The following ABCA5 variants were observed in gnomAD, a reference collection of about 807,000 sequenced individuals.
ABCA5 encodes ATP binding cassette subfamily A member 5.
In ABCA5, 163 loss-of-function variants were observed where a neutral mutation model predicts 206.0. That is an observed-to-expected ratio of 0.79 (90% CI 0.70 to 0.90). ABCA5 has a LOEUF of 0.90. Among genes scored for constraint, ABCA5 ranks in the 40% least tolerant of loss-of-function variants. ABCA5 has a pLI of 0.00. For synonymous variants in ABCA5, 609 were observed against 613.8 expected, an observed-to-expected ratio of 0.99 and a Z score of 0.11; for missense variants, 1,859 against 1,912.9, an observed-to-expected ratio of 0.97 and a Z score of 0.53.
chr17:69,252,836 CAAAA>C (rs34161698), intron 34 of ABCA5, among the ~76,000 whole-genome samples: 6 of 97,010 alleles, frequency 6.2e-5, no homozygotes, highest in Admixed American at 3.4e-4. Context: ...GACTCTGACT[CAAAA>C]AAAAAAAAAA....
chr17:69,323,468 T>C (rs1397442804), intron 1 of ABCA5, among the ~76,000 whole-genome samples: 2 of 152,224 alleles, frequency 1.3e-5, no homozygotes, highest in African/African-American at 4.8e-5. Flanking sequence ...GTGACCATCC[T>C]CAAGTTTTAT....
At chr17:69,277,982 A>G in intron 18 of ABCA5, 140 bp from the exon 19 acceptor site, 1 of 598,028 alleles carries the variant, frequency 1.7e-6, no homozygotes, top group Non-Finnish European at 2.7e-6. Context: ...GGCAGTATCT[A>G]TTAAAGCTGA....
intron 18 of ABCA5, among the ~76,000 whole-genome samples, chr17:69,282,519 C>T (rs111933604): frequency 0.015 from 2,347 of 152,266 alleles, 50 homozygotes; most frequent in African/African-American, 0.054. Context: ...ACCTGTAATC[C>T]TAGCACTTTG....
intron 10 of ABCA5, among the ~76,000 whole-genome samples, chr17:69,296,753 C>G (rs2075587168): frequency 6.6e-6 from 1 of 152,074 alleles, no homozygotes; most frequent in South Asian, 2.1e-4. Context: ...TCACCTGAGG[C>G]TACGAATTCG....
At chr17:69,290,179 T>G in intron 12 of ABCA5, 142 bp from the exon 13 acceptor site, 1 of 518,744 alleles carries the variant, frequency 1.9e-6, no homozygotes, top group Non-Finnish European at 3.2e-6. Context: ...CAACACACCC[T>G]TCAATATTAT....
intron 34 of ABCA5, among the ~76,000 whole-genome samples, chr17:69,252,524 A>C (rs183750400): frequency 8.1e-4 from 124 of 152,166 alleles, no homozygotes; most frequent in African/African-American, 2.9e-3. Context: ...TTTTATAGAC[A>C]TGGAAGTTGA....
chr17:69,325,308 C>CAAA (rs35573417), intron 1 of ABCA5, among the ~76,000 whole-genome samples: 1 of 137,920 alleles, frequency 7.3e-6, no homozygotes, highest in Non-Finnish European at 1.6e-5. Flanking sequence ...GACCCTGTCT[C>CAAA]AAAAAAAAAA....
At chr17:69,298,192 G>GGT (rs2075603327) in intron 9 of ABCA5, among the ~76,000 whole-genome samples, 1 of 144,104 alleles carries the variant, frequency 6.9e-6, no homozygotes, top group Non-Finnish European at 1.5e-5. Context: ...TCTCAAAAAA[G>GGT]ACACAGCAAA....
chr17:69,280,805 A>C (rs1456514362), intron 18 of ABCA5, among the ~76,000 whole-genome samples: 1 of 152,014 alleles, frequency 6.6e-6, no homozygotes, highest in Non-Finnish European at 1.5e-5. Flanking sequence ...AACACCGCAT[A>C]TTCTCACTCA....
chr17:69,265,392 T>C (rs551614466), intron 23 of ABCA5, among the ~76,000 whole-genome samples: 1 of 152,258 alleles, frequency 6.6e-6, no homozygotes, highest in Admixed American at 6.5e-5. Flanking sequence ...AAGTGAAAGC[T>C]TTTGAAATGT....
At chr17:69,325,390 T>C (rs1212873208) in intron 1 of ABCA5, among the ~76,000 whole-genome samples, 2 of 151,980 alleles carry the variant, frequency 1.3e-5, no homozygotes, top group Non-Finnish European at 2.9e-5. Flanking sequence ...AAAATAACAA[T>C]GCAATGGTAC....
At position 69,306,944 on chromosome 17, in the gene ABCA5, T is replaced by C. The variant is rs139696278; in HGVS notation, c.569A>G (p.Asn190Ser). 1,445 of 1,543,316 alleles carry C rather than the reference T, an allele frequency of 9.4e-4. 3 individuals carry two copies. The highest frequency in any genetic ancestry group is 9.3e-3 in the Middle Eastern group (53 of 5,716). The part of the protein sequence containing the change: ...IDAAIIQLKT[N>S]VSLWKELEST... Reference sequence around the variant, plus strand: ...CTCCAGCTCCTTCCAAAGAGAAACATTGGTCTTCAACTATAATTAGAAAAT... The same window carrying C: ...CTCCAGCTCCTTCCAAAGAGAAACACTGGTCTTCAACTATAATTAGAAAAT... The change falls in exon 6 of 39, where the codon AAT (asparagine) becomes AGT (serine). Residue 190 changes from asparagine to serine, a missense_variant. By Grantham distance (46) the Asn-to-Ser change is conservative. Transcript: ENST00000392676.
chr17:69,298,961 C>G (rs1201437523), intron 9 of ABCA5, among the ~76,000 whole-genome samples: 1 of 152,024 alleles, frequency 6.6e-6, no homozygotes, highest in East Asian at 1.9e-4. Flanking sequence ...ATGAGTCACT[C>G]AAATCAGCAA....
At chr17:69,293,375 T>A (rs2075549031) in intron 11 of ABCA5, among the ~76,000 whole-genome samples, 1 of 152,100 alleles carries the variant, frequency 6.6e-6, no homozygotes, top group Non-Finnish European at 1.5e-5. Context: ...CAAGAATCTG[T>A]TTCATTCTTG....
intron 32 of ABCA5, 131 bp from the exon 33 acceptor site, chr17:69,254,000 C>A: frequency 5.9e-6 from 4 of 674,540 alleles, no homozygotes; most frequent in Non-Finnish European, 9.8e-6. Flanking sequence ...TAGGTAAGGG[C>A]AAAAGTCTCC....
intron 6 of ABCA5, among the ~76,000 whole-genome samples, chr17:69,305,794 C>A (rs1414232087): frequency 1.3e-5 from 2 of 152,084 alleles, no homozygotes; most frequent in East Asian, 3.9e-4. Context: ...TCTCTTGAGC[C>A]TGGGAGTTTG....
chr17:69,303,329 G>A (rs1202632113), intron 7 of ABCA5, among the ~76,000 whole-genome samples: 1 of 151,926 alleles, frequency 6.6e-6, no homozygotes, highest in East Asian at 1.9e-4. Flanking sequence ...TGTTGCCCAG[G>A]CTGGTCTCAA....
intron 9 of ABCA5, among the ~76,000 whole-genome samples, chr17:69,300,303 G>T (rs2075639180): frequency 6.6e-6 from 1 of 152,212 alleles, no homozygotes; most frequent in African/African-American, 2.4e-5. Flanking sequence ...TGATCTGACA[G>T]GAGGTGGAGC....
chr17:69,287,614 T>A lies in ABCA5; in HGVS notation c.2040A>T (p.Ala680=). 1 of 1,609,168 alleles carries A rather than the reference T, an allele frequency of 6.2e-7. No homozygotes were observed. Among genetic ancestry groups the A allele is most frequent in the Non-Finnish European group, 8.5e-7 (1 of 1,178,064 alleles). Residue 680 remains alanine, a splice_region_variant and synonymous_variant, in exon 15 of 39, where the codon GCA becomes GCT. Transcript: ENST00000392676. ...THFMDEADIL[A]DRKAVISQGM... ...TCGAAAATAAAACAAAAATCTCACC[T>A]GCAAGAATGTCAGCTTCATCCATGA...
Sources: gnomAD v4.1 joint callset for allele counts (sites outside exome capture counted in the v4.1 genomes callset) on GRCh38, gnomAD v4.1.1 for gene constraint, MANE v1.5 for transcripts, NCBI Gene and HGNC (gene_info 2026-07-23, HGNC 2026-07-21) for gene names.